SESN1: variants seen among roughly 807,000 people sequenced by gnomAD.
The protein encoded by SESN1 is sestrin 1, also known as sestrin-1.
SESN1 carries 30 observed loss-of-function variants against 59.3 expected under a neutral mutation model. The ratio of observed to expected loss-of-function variants is 0.51; its 90% CI spans 0.38 to 0.69. The LOEUF is 0.69. Ranked by LOEUF, SESN1 falls within the 30% of genes least tolerant of loss-of-function variation. The pLI, the probability that SESN1 is intolerant of heterozygous loss-of-function variation, is 0.00. For missense variants in SESN1, 566 were observed against 673.0 expected, an observed-to-expected ratio of 0.84 and a Z score of 1.76; for synonymous variants, 197 against 219.9, an observed-to-expected ratio of 0.90 and a Z score of 0.92.
intron 1 of SESN1, among the ~76,000 whole-genome samples, chr6:109,045,014 A>C (rs1780403358): frequency 6.7e-6 from 1 of 149,118 alleles, no homozygotes; most frequent in Non-Finnish European, 1.5e-5. Context: ...CAAGAGCGAG[A>C]CTCCATTTCA....
chr6:109,004,670 T>C (rs1402538973), intron 1 of SESN1, among the ~76,000 whole-genome samples: 1 of 152,170 alleles, frequency 6.6e-6, no homozygotes, highest in Non-Finnish European at 1.5e-5. Flanking sequence ...GACCTCGTGA[T>C]GCGCCCACCT....
At chr6:109,022,411 CTTTTTTTTTTTTTT>C (rs779366759) in intron 1 of SESN1, among the ~76,000 whole-genome samples, 34 of 65,880 alleles carry the variant, frequency 5.2e-4, no homozygotes, top group African/African-American at 1.8e-3. Flanking sequence ...TGTTCTAAAG[CTTTTTTTTTTTTTT>C]TTTTTTTTTT....
intron 1 of SESN1, among the ~76,000 whole-genome samples, chr6:109,060,566 G>C (rs896161236): frequency 2.0e-5 from 3 of 152,138 alleles, no homozygotes; most frequent in East Asian, 3.8e-4. Context: ...ATCTATTTTA[G>C]AGGGAAAATT....
chr6:109,003,129 G>A (rs917836298), intron 1 of SESN1, among the ~76,000 whole-genome samples: 2 of 151,886 alleles, frequency 1.3e-5, no homozygotes, highest in Non-Finnish European at 1.5e-5. Flanking sequence ...TCCCCATATA[G>A]TGTGTTTACA....
chr6:109,070,924 G>A (rs750360176), intron 1 of SESN1, among the ~76,000 whole-genome samples: 10 of 152,256 alleles, frequency 6.6e-5, no homozygotes, highest in South Asian at 2.1e-4. Flanking sequence ...TAGTAAGAGC[G>A]TATAAGAAAT....
At chr6:109,015,762 ACT>A (rs1387240690) in intron 1 of SESN1, among the ~76,000 whole-genome samples, 2 of 152,148 alleles carry the variant, frequency 1.3e-5, no homozygotes, top group Admixed American at 6.5e-5. Context: ...AAATATACAA[ACT>A]CAAAAAAGGC....
intron 5 of SESN1, among the ~76,000 whole-genome samples, chr6:108,996,565 A>G (rs1334575869): frequency 1.3e-5 from 2 of 152,202 alleles, no homozygotes; most frequent in Admixed American, 1.3e-4. Flanking sequence ...TTGATAAATT[A>G]TATTGAAATA....
intron 7 of SESN1, 137 bp downstream of exon 7, chr6:108,992,650 A>G: frequency 1.5e-6 from 1 of 666,910 alleles, no homozygotes; most frequent in Non-Finnish European, 2.7e-6. Context: ...ACAGTCTTTC[A>G]CCTTTTATTC....
At chr6:109,089,822 C>T (rs749073363) in intron 1 of SESN1, among the ~76,000 whole-genome samples, 3 of 152,190 alleles carry the variant, frequency 2.0e-5, no homozygotes, top group Non-Finnish European at 4.4e-5. Context: ...TCCACTCCCT[C>T]CTGCCCTACC....
At chr6:109,009,243 G>T in intron 1 of SESN1, 1 of 1,007,180 alleles carries the variant, frequency 9.9e-7, no homozygotes, top group Non-Finnish European at 1.3e-6. Flanking sequence ...GTTTTCGGAT[G>T]CTGACCGGGA....
Position 109,067,898 on chromosome 6 carries a change from G to A in SESN1, c.279+25897C>T, listed in dbSNP as rs138695103. Reference sequence around the variant, plus strand: ...TCACCACTATGGACTGTATCATTACGGTACTCTTACTGTTTGGTTTATGAT... The same window carrying A: ...TCACCACTATGGACTGTATCATTACAGTACTCTTACTGTTTGGTTTATGAT... On this transcript the variant is annotated intron_variant, in intron 1 of 9. Transcript: ENST00000436639. Among the ~76,000 whole-genome samples the A allele has an allele frequency of 6.6e-3, 1,006 of 152,214 alleles. 15 individuals are homozygous for A. The highest frequency in any genetic ancestry group is 0.023 in the African/African-American group (954 of 41,514).
In SESN1 at chr6:109,000,640, T is replaced by C; in HGVS notation, c.580A>G (p.Asn194Asp). 2 of 1,609,730 alleles carry C rather than the reference T, an allele frequency of 1.2e-6. No homozygotes were observed. The highest frequency in any genetic ancestry group is 1.7e-6 in the Non-Finnish European group (2 of 1,177,672). ...TGAAGGAAATCATTTACATGCAGGT[T>C]CACTAAGTAGGAGCACTGATGTCTT... ...AARHQCSYLV[N>D]LHVNDFLHVG... The change falls in exon 4 of 10, where the codon AAC becomes GAC. Residue 194 changes from asparagine (N) to aspartate (D), a missense_variant. Asn to Asp is a conservative substitution (Grantham distance 23). Coordinates refer to ENST00000436639, the MANE Select transcript of SESN1 (RefSeq NM_014454.3).
At chr6:109,079,492 T>C (rs1452188911) in intron 1 of SESN1, among the ~76,000 whole-genome samples, 1 of 152,174 alleles carries the variant, frequency 6.6e-6, no homozygotes, top group Non-Finnish European at 1.5e-5. Context: ...AAAAATGGCA[T>C]TTACTCTTAT....
At chr6:109,037,368 C>T (rs895891908) in intron 1 of SESN1, among the ~76,000 whole-genome samples, 6 of 152,086 alleles carry the variant, frequency 3.9e-5, no homozygotes, top group Middle Eastern at 3.4e-3. Flanking sequence ...ATTATTAGGC[C>T]GTAGAAACCA....
intron 1 of SESN1, among the ~76,000 whole-genome samples, chr6:109,024,653 A>G (rs1429130485): frequency 6.6e-6 from 1 of 152,222 alleles, no homozygotes; most frequent in Non-Finnish European, 1.5e-5. Context: ...ATTATAGTCT[A>G]GCCTAGACTA....
chr6:109,035,554 AAAAAAG>A, intron 1 of SESN1, among the ~76,000 whole-genome samples: 1 of 152,076 alleles, frequency 6.6e-6, no homozygotes, highest in African/African-American at 2.4e-5. Flanking sequence ...GAGGGAAAAA[AAAAAAG>A]GAAAAGGAAA....
At position 109,040,671 on chromosome 6, in the gene SESN1, T is replaced by G. The variant is rs75577462; in HGVS notation, c.280-38328A>C. 2.6e-5 allele frequency among the ~76,000 whole-genome samples: 4 copies of G among 151,940 alleles called. No individual in the cohort carries two copies. In the East Asian group the frequency reaches 5.8e-4, roughly 22 times the overall value. The stretch of plus-strand genomic sequence containing the variant: ...ACTAGCATAATCTTTTTTTTTTTTT[T>G]TGAGACAGTCTCGCTCTGTCGCCCA... On this transcript the variant is annotated intron_variant, in intron 1 of 9. Coordinates refer to ENST00000436639, the MANE Select transcript of SESN1 (RefSeq NM_014454.3).
At chr6:109,052,015 C>G (rs974945776) in intron 1 of SESN1, among the ~76,000 whole-genome samples, 1 of 152,204 alleles carries the variant, frequency 6.6e-6, no homozygotes, top group Non-Finnish European at 1.5e-5. Flanking sequence ...CAAACCACAG[C>G]AGACAACAAT....
chr6:109,013,356 A>G (rs1779888862), intron 1 of SESN1, among the ~76,000 whole-genome samples: 1 of 152,198 alleles, frequency 6.6e-6, no homozygotes, highest in Non-Finnish European at 1.5e-5. Context: ...AGAGAAGTGT[A>G]GAAGATGACA....
Sources: gnomAD v4.1 joint callset for allele counts (sites outside exome capture counted in the v4.1 genomes callset) on GRCh38, gnomAD v4.1.1 for gene constraint, MANE v1.5 for transcripts, NCBI Gene and HGNC (gene_info 2026-07-23, HGNC 2026-07-21) for gene names.